The following ASTN2 variants were observed in gnomAD, a reference collection of about 807,000 sequenced individuals.
The protein encoded by ASTN2 is astrotactin-2.
ASTN2 carries 54 observed loss-of-function variants against 139.8 expected under a neutral mutation model. The ratio of observed to expected loss-of-function variants is 0.39; its 90% confidence interval spans 0.31 to 0.48. The LOEUF (loss-of-function observed/expected upper bound fraction) is 0.48. Ranked by LOEUF, ASTN2 falls within the 20% of genes least tolerant of loss-of-function variation. ASTN2 has a pLI of 0.95. For missense variants in ASTN2, 1,565 were observed against 1,725.1 expected, an observed-to-expected ratio of 0.91 and a Z score of 1.64; for synonymous variants, 756 against 719.5, an observed-to-expected ratio of 1.05 and a Z score of -0.81.
At chr9:117,305,355 C>T (rs16934478) in intron 1 of ASTN2, among the ~76,000 whole-genome samples, 19,219 of 152,086 alleles carry the variant, frequency 0.13, 1,315 homozygotes, top group South Asian at 0.2. Context: ...ATGATTAATG[C>T]CAATCAACCT....
chr9:117,242,403 C>T (rs986822176), intron 2 of ASTN2, among the ~76,000 whole-genome samples: 1 of 152,016 alleles, frequency 6.6e-6, no homozygotes, highest in Non-Finnish European at 1.5e-5. Context: ...ACTTGATGTA[C>T]TTAATAGAGG....
At chr9:116,618,178 A>C (rs1855946706) in intron 19 of ASTN2, 146 bp downstream of exon 19, 2 of 833,222 alleles carry the variant, frequency 2.4e-6, no homozygotes, top group Non-Finnish European at 3.6e-6. Flanking sequence ...ACAGCACACA[A>C]GGATGGACAG....
At chr9:117,252,840 G>A (rs1413540507) in intron 2 of ASTN2, among the ~76,000 whole-genome samples, 3 of 152,140 alleles carry the variant, frequency 2.0e-5, no homozygotes, top group Admixed American at 2.0e-4. Context: ...TGCAGAAATT[G>A]GGCTCCAAAG....
At chr9:117,045,257 CAAAA>C (rs56993648) in intron 5 of ASTN2, among the ~76,000 whole-genome samples, 430 of 131,626 alleles carry the variant, frequency 3.3e-3, no homozygotes, top group African/African-American at 0.011. Context: ...ATGTAATTAG[CAAAA>C]AAAAAAAAAA....
intron 19 of ASTN2, chr9:116,582,928 A>G (rs896103309): frequency 1.3e-5 from 2 of 152,210 alleles, no homozygotes; most frequent in African/African-American, 4.8e-5. Context: ...CATTCATTCA[A>G]CATTTGTTAA....
At chr9:116,841,472 C>T (rs1031429341) in intron 11 of ASTN2, among the ~76,000 whole-genome samples, 1 of 152,078 alleles carries the variant, frequency 6.6e-6, no homozygotes, top group Non-Finnish European at 1.5e-5. Flanking sequence ...AACTCCTGAC[C>T]TCCAGTGATC....
intron 10 of ASTN2, among the ~76,000 whole-genome samples, chr9:116,908,185 C>G (rs908370580): frequency 6.6e-6 from 1 of 152,098 alleles, no homozygotes; most frequent in Non-Finnish European, 1.5e-5. Flanking sequence ...TTTGAGTCAA[C>G]ATTTTCAGAA....
intron 17 of ASTN2, among the ~76,000 whole-genome samples, chr9:116,634,834 T>C (rs1856995603): frequency 6.6e-6 from 1 of 152,200 alleles, no homozygotes; most frequent in African/African-American, 2.4e-5. Context: ...CTTTTAATTT[T>C]TGAATCAGTG....
chr9:117,397,485 C>T (rs2130955726), intron 1 of ASTN2, among the ~76,000 whole-genome samples: 1 of 152,232 alleles, frequency 6.6e-6, no homozygotes, highest in South Asian at 2.1e-4. Flanking sequence ...TCTTTAGGTC[C>T]TCAGTCTCCT....
intron 1 of ASTN2, among the ~76,000 whole-genome samples, chr9:117,343,380 T>A (rs1490882000): frequency 6.6e-6 from 1 of 152,220 alleles, no homozygotes; most frequent in African/African-American, 2.4e-5. Flanking sequence ...TGAAAGCTCA[T>A]CCAAGAAGCT....
chr9:117,235,569 A>G (rs1238117196), intron 2 of ASTN2, among the ~76,000 whole-genome samples: 1 of 152,184 alleles, frequency 6.6e-6, no homozygotes, highest in Non-Finnish European at 1.5e-5. Context: ...AAAATAAACT[A>G]CTACTACAAC....
intron 21 of ASTN2, among the ~76,000 whole-genome samples, chr9:116,441,653 G>A (rs1221587065): frequency 6.6e-6 from 1 of 152,050 alleles, no homozygotes. Context: ...CTGCAGAAAT[G>A]TCTGTCTCAC....
At position 116,845,500 on chromosome 9, in the gene ASTN2, A is replaced by T. The variant is rs542425483; in HGVS notation, c.2040+18083T>A. Among the ~76,000 whole-genome samples, 17 of 152,346 alleles carry T rather than the reference A, an allele frequency of 1.1e-4. No homozygotes were observed. In the South Asian group the frequency reaches 3.3e-3, roughly 30 times the overall value. On this transcript the variant is annotated intron_variant, in intron 11 of 22. Coordinates refer to ENST00000313400, the MANE Select transcript of ASTN2 (RefSeq NM_001365068.1). Reference sequence around the variant, plus strand: ...AAATTCCCAGAGGGAGAAAAGTCATAGTTCAAAATGGCTTATGATAAAAAA... The same window carrying T: ...AAATTCCCAGAGGGAGAAAAGTCATTGTTCAAAATGGCTTATGATAAAAAA...
chr9:116,866,866 C>G (rs1198840078), intron 10 of ASTN2, among the ~76,000 whole-genome samples: 3 of 140,086 alleles, frequency 2.1e-5, no homozygotes, highest in African/African-American at 5.4e-5. Context: ...GCACTCTAGC[C>G]TAGGTGACAC....
chr9:116,484,284 TA>T (rs1424493901), intron 20 of ASTN2, among the ~76,000 whole-genome samples: 1 of 152,190 alleles, frequency 6.6e-6, no homozygotes, highest in Non-Finnish European at 1.5e-5. Context: ...CTCTCTTCCC[TA>T]CAACCCTTTG....
At chr9:117,055,427 A>G (rs1405088404) in intron 5 of ASTN2, among the ~76,000 whole-genome samples, 2 of 152,208 alleles carry the variant, frequency 1.3e-5, no homozygotes, top group African/African-American at 4.8e-5. Context: ...GATCAACCTG[A>G]GCAACATAGT....
At chr9:117,167,431 ATCT>A (rs1165307145) in intron 3 of ASTN2, among the ~76,000 whole-genome samples, 1 of 152,080 alleles carries the variant, frequency 6.6e-6, no homozygotes, top group Non-Finnish European at 1.5e-5. Context: ...TAAAACCATT[ATCT>A]TCTTCTCTCT....
intron 1 of ASTN2, among the ~76,000 whole-genome samples, chr9:117,397,519 C>A (rs1218483745): frequency 1.3e-5 from 2 of 152,128 alleles, no homozygotes; most frequent in Non-Finnish European, 2.9e-5. Flanking sequence ...CACTGGAGAT[C>A]ATATCTGGTG....
At chr9:117,308,213 AAATCAATCAATCAATC>A (rs112764473) in intron 1 of ASTN2, among the ~76,000 whole-genome samples, 1 of 150,238 alleles carries the variant, frequency 6.7e-6, no homozygotes, top group African/African-American at 2.5e-5. Context: ...TGCTGGGGCA[AAATCAATCAATCAATC>A]AATCAATCAA....
Sources: gnomAD v4.1 joint callset for allele counts (sites outside exome capture counted in the v4.1 genomes callset) on GRCh38, gnomAD v4.1.1 for gene constraint, MANE v1.5 for transcripts, NCBI Gene and HGNC (gene_info 2026-07-23, HGNC 2026-07-21) for gene names.